Variants in RASL10B observed in about 807,000 individuals in gnomAD.
The protein encoded by RASL10B is ras-like protein family member 10B.
RASL10B carries 10 observed loss-of-function variants against 20.7 expected under a neutral mutation model. The ratio of observed to expected loss-of-function variants is 0.48; its 90% CI spans 0.30 to 0.82. The LOEUF (loss-of-function observed/expected upper bound fraction) is 0.82, where lower values mean the gene tolerates loss of function less well. Among genes scored for constraint, RASL10B ranks in the 40% least tolerant of loss-of-function variants. The probability of loss-of-function intolerance (pLI) is 0.07; values close to 1 mark genes in which losing one functional copy is unlikely to be tolerated. For missense variants in RASL10B, 231 were observed against 295.4 expected (o/e 0.78, Z 1.60); for synonymous variants, 110 against 123.3 (o/e 0.89, Z 0.72).
chr17:35,735,500 C>CAAGCTA lies in RASL10B; in HGVS notation c.216+100_216+101insAAGCTA. The CAAGCTA allele has an allele frequency of 8.3e-7, 1 of 1,208,514 alleles. No homozygotes were observed. The highest frequency in any genetic ancestry group is 1.2e-6 in the Non-Finnish European group (1 of 850,606). The allele number at this position is 1,208,514 out of a possible 1,614,324, so 74.9% of individuals were successfully genotyped here. On this transcript the variant is annotated intron_variant, in intron 2 of 3. Transcript: ENST00000603017. This position sits in a 1 kb window ranked among gnomAD's most constrained non-coding sequence, Gnocchi z 6.7. ...TAGCTTGGGCCCTATTGCCAGGGCCCCATCACTGAGTTTGGGAGCTCCACA... is the reference window on the plus strand; with the variant it reads ...TAGCTTGGGCCCTATTGCCAGGGCCCAAGCTACATCACTGAGTTTGGGAGCTCCACA...
rs371471703 is a variant in RASL10B at position 35,740,469 on chromosome 17, G to A, written c.277G>A (p.Asp93Asn). Residue 93 changes from aspartate (D) to asparagine (N), a missense_variant, in exon 3 of 4, where the codon GAC becomes AAC. By Grantham distance (23) the Asp-to-Asn change is conservative. Coordinates refer to ENST00000603017, the MANE Select transcript of RASL10B (RefSeq NM_033315.4). Reference protein sequence around the residue: ...RSVHAYILVYDICCFDSFEYV... With the variant: ...RSVHAYILVYNICCFDSFEYV... ...TGTCCACGCCTACATCCTGGTCTAC[G>A]ACATCTGCTGCTTTGACAGCTTTGA... The A allele has an allele frequency of 1.9e-6, 3 of 1,614,050 alleles. No homozygotes were observed. Among genetic ancestry groups the A allele is most frequent in the Non-Finnish European group, 2.5e-6 (3 of 1,179,990 alleles).
At chr17:35,739,678 C>G (rs73286903) in intron 2 of RASL10B, among the ~76,000 whole-genome samples, 7,177 of 152,236 alleles carry the variant, frequency 0.047, 510 homozygotes, top group African/African-American at 0.15. Flanking sequence ...AGAAGGGGCA[C>G]ATCAGGTAGC....
intron 1 of RASL10B, among the ~76,000 whole-genome samples, chr17:35,734,515 G>T (rs2085577494): frequency 6.6e-6 from 1 of 152,312 alleles, no homozygotes; most frequent in East Asian, 1.9e-4. Context: ...TTTGGAAATG[G>T]GGGCAGGGGG....
Position 35,742,725 on chromosome 17 carries a change from C to T in RASL10B, c.*1420C>T, listed in dbSNP as rs1271225992. On this transcript the variant is annotated 3_prime_UTR_variant, in exon 4 of 4. Coordinates refer to ENST00000603017, the MANE Select transcript of RASL10B (RefSeq NM_033315.4). ...AAGAAAGCTGTCCTTGAGGCTGAGCCCTCAGCCCTGGCCTGGTGGGGGGAC... is the reference window on the plus strand; with the variant it reads ...AAGAAAGCTGTCCTTGAGGCTGAGCTCTCAGCCCTGGCCTGGTGGGGGGAC... 6.6e-6 allele frequency: 1 copy of T among 152,484 alleles called. No homozygotes were observed. The highest frequency in any genetic ancestry group is 2.4e-5 in the African/African-American group (1 of 41,414). 9.4% of individuals were successfully genotyped at this position (152,484 alleles called of 1,614,324 possible).
chr17:35,737,112 T>G (rs960268007), intron 2 of RASL10B: 5 of 152,336 alleles, frequency 3.3e-5, no homozygotes, highest in Admixed American at 1.3e-4. Flanking sequence ...CTTCCCTGCT[T>G]CTTACGTAAA....
At chr17:35,732,357 G>A (rs926632055) in intron 1 of RASL10B, among the ~76,000 whole-genome samples, 1 of 152,246 alleles carries the variant, frequency 6.6e-6, no homozygotes, top group South Asian at 2.1e-4. Flanking sequence ...CTCTTTCCGG[G>A]CAGTCTCTTG....
At position 35,741,456 on chromosome 17, in the gene RASL10B, G is replaced by C. The variant is rs893554844; in HGVS notation, c.*151G>C. ...CACGCACCTCCCGGTGAGAAGCAGA[G>C]CGCGAGAGGGAGCCCTCCGTAACTG... On this transcript the variant is annotated 3_prime_UTR_variant, in exon 4 of 4. Transcript: ENST00000603017. 4.2e-6 allele frequency: 5 copies of C among 1,194,512 alleles called. No homozygotes were observed. In the African/African-American group the frequency reaches 8.1e-5, roughly 19 times the overall value. The allele number at this position is 1,194,512 out of a possible 1,614,324, so 74.0% of individuals were successfully genotyped here. A position where few individuals can be genotyped will look rare whatever the true frequency, so the allele number is the denominator to read the frequency against.
rs782585096 is a variant in RASL10B, at chr17:35,742,544, C to G, written c.*1239C>G. On this transcript the variant is annotated 3_prime_UTR_variant, in exon 4 of 4. Transcript: ENST00000603017. ...ACCCCATTTTCTCCGGCTGCCTGGCCGGGTTTCTACCTCTCGTCACCGGAG... is the reference window on the plus strand; with the variant it reads ...ACCCCATTTTCTCCGGCTGCCTGGCGGGGTTTCTACCTCTCGTCACCGGAG... 6.5e-6 allele frequency: 1 copy of G among 152,704 alleles called. No homozygotes were observed. The highest frequency in any genetic ancestry group is 2.4e-5 in the African/African-American group (1 of 41,448). The allele number at this position is 152,704 out of a possible 1,614,324, so 9.5% of individuals were successfully genotyped here. A position where few individuals can be genotyped will look rare whatever the true frequency, so the allele number is the denominator to read the frequency against.
At position 35,735,114 on chromosome 17, in the gene RASL10B, C is replaced by T; in HGVS notation, c.-71C>T. ...GTCCTGACGGTGGCTGAGCCCCCAGCCCCTGGAATATGCAGCCCGGGGGAG... is the reference window on the plus strand; with the variant it reads ...GTCCTGACGGTGGCTGAGCCCCCAGTCCCTGGAATATGCAGCCCGGGGGAG... On this transcript the variant is annotated 5_prime_UTR_variant, in exon 2 of 4. Transcript: ENST00000603017. The surrounding 1 kb of genome is among the most constrained non-coding windows in gnomAD (Gnocchi z 6.7). The T allele has an allele frequency of 6.7e-7, 1 of 1,493,936 alleles. No homozygotes were observed. Among genetic ancestry groups the T allele is most frequent in the African/African-American group, 1.4e-5 (1 of 73,108 alleles). 92.5% of individuals were successfully genotyped at this position (1,493,936 alleles called of 1,614,324 possible).
At chr17:35,736,607 A>G (rs587705270) in intron 2 of RASL10B, among the ~76,000 whole-genome samples, 2 of 152,324 alleles carry the variant, frequency 1.3e-5, no homozygotes, top group African/African-American at 4.8e-5. Flanking sequence ...CTTCTAAAGG[A>G]GACTTTAACA....
intron 2 of RASL10B, chr17:35,736,707 C>T (rs1555597259): frequency 6.6e-6 from 1 of 152,110 alleles, no homozygotes; most frequent in African/African-American, 2.4e-5. Flanking sequence ...GATTCCTGCC[C>T]CACTCTCTAT....
At chr17:35,734,605 G>T (rs1313163714) in intron 1 of RASL10B, among the ~76,000 whole-genome samples, 1 of 152,122 alleles carries the variant, frequency 6.6e-6, no homozygotes, top group Admixed American at 6.5e-5. Context: ...GCAATGTGTG[G>T]GCAGTCCTGC....
At position 35,735,367 on chromosome 17, in the gene RASL10B, A is replaced by G. The variant is rs1322645508; in HGVS notation, c.183A>G (p.Pro61=). 1 of 1,614,004 alleles carries G rather than the reference A, an allele frequency of 6.2e-7. No individual in the cohort carries two copies. The highest frequency in any genetic ancestry group is 1.7e-5 in the Admixed American group (1 of 60,014). Residue 61 remains proline, a synonymous_variant, in exon 2 of 4, where the codon CCA becomes CCG. Transcript: ENST00000603017. This position sits in a 1 kb window ranked among gnomAD's most constrained non-coding sequence, Gnocchi z 6.7. ...ACGACCTCCAGATCCTCGACTTTCC[A>G]CCCATCAGCGCCTTCCCTGTCAATA... ...HVHDLQILDF[P]PISAFPVNTL...
chr17:35,737,360 A>T (rs150513780), intron 2 of RASL10B, among the ~76,000 whole-genome samples: 1 of 151,928 alleles, frequency 6.6e-6, no homozygotes, highest in African/African-American at 2.4e-5. Context: ...TTTCCAGGCC[A>T]TTATCTAGAG....
intron 2 of RASL10B, among the ~76,000 whole-genome samples, chr17:35,739,074 C>T (rs1468583107): frequency 6.6e-6 from 1 of 152,250 alleles, no homozygotes; most frequent in Non-Finnish European, 1.5e-5. Context: ...AAAATTTAAA[C>T]CTCAGCACAA....
At chr17:35,734,286 G>A (rs145049408) in intron 1 of RASL10B, among the ~76,000 whole-genome samples, 6 of 152,290 alleles carry the variant, frequency 3.9e-5, no homozygotes, top group Non-Finnish European at 7.4e-5. Context: ...GAAGTACTGC[G>A]ACATCGTAGA....
At chr17:35,740,387 G>A in intron 2 of RASL10B, 22 bp from the exon 3 acceptor site, 1 of 1,611,174 alleles carries the variant, frequency 6.2e-7, no homozygotes, top group Middle Eastern at 1.7e-4. Flanking sequence ...TCTGACCCTG[G>A]TACTGGCTGG....
chr17:35,738,374 A>G (rs226420), intron 2 of RASL10B, among the ~76,000 whole-genome samples: 58,064 of 151,928 alleles, frequency 0.38, 12,141 homozygotes, highest in African/African-American at 0.57. Context: ...ATAAAACCTA[A>G]GAATCCTGAT....
rs1379053850 is a variant in RASL10B at position 35,741,429 on chromosome 17, G to A, written c.*124G>A. On this transcript the variant is annotated 3_prime_UTR_variant, in exon 4 of 4. Coordinates refer to ENST00000603017, the MANE Select transcript of RASL10B (RefSeq NM_033315.4). Reference sequence around the variant, plus strand: ...ACGGTCCCGGCCTGAGGCCCCTGCAGCCACGCACCTCCCGGTGAGAAGCAG... The same window carrying A: ...ACGGTCCCGGCCTGAGGCCCCTGCAACCACGCACCTCCCGGTGAGAAGCAG... The A allele has an allele frequency of 7.7e-7, 1 of 1,294,182 alleles. No individual in the cohort carries two copies. The highest frequency in any genetic ancestry group is 1.0e-6 in the Non-Finnish European group (1 of 1,003,694). 80.2% of individuals were successfully genotyped at this position (1,294,182 alleles called of 1,614,324 possible).
Sources: gnomAD v4.1 joint callset for allele counts (sites outside exome capture counted in the v4.1 genomes callset) on GRCh38, gnomAD v4.1.1 for gene constraint, Gnocchi (gnomAD v3.1) non-coding constraint, MANE v1.5 for transcripts, NCBI Gene and HGNC (gene_info 2026-07-23, HGNC 2026-07-21) for gene names.